Variants in ZNF385D observed in about 807,000 individuals in gnomAD.
ZNF385D encodes the protein zinc finger protein 659.
A neutral mutation model predicts 35.8 loss-of-function variants in ZNF385D; 15 were observed. That is an observed-to-expected ratio of 0.42 (90% confidence interval 0.28 to 0.64). ZNF385D has a LOEUF of 0.64. ZNF385D is among the 30% of genes least tolerant of loss of function. The pLI is 0.23. For missense variants in ZNF385D, 474 were observed against 494.6 expected, an observed-to-expected ratio of 0.96 and a Z score of 0.39; for synonymous variants, 212 against 186.8, an observed-to-expected ratio of 1.13 and a Z score of -1.10.
At chr3:21,819,033 A>G (rs2073279096) in intron 3 of ZNF385D, among the ~76,000 whole-genome samples, 1 of 152,148 alleles carries the variant, frequency 6.6e-6, no homozygotes, top group Admixed American at 6.5e-5. Flanking sequence ...CAATTGACAG[A>G]AAAGTGTTCT....
intron 2 of ZNF385D, among the ~76,000 whole-genome samples, chr3:21,630,729 T>A (rs2065256639): frequency 6.6e-6 from 1 of 152,148 alleles, no homozygotes. Context: ...AAATGTGGAA[T>A]GAAAAGTCCT....
intron 1 of ZNF385D, among the ~76,000 whole-genome samples, chr3:21,726,145 T>G (rs1262498982): frequency 1.3e-5 from 2 of 152,068 alleles, no homozygotes; most frequent in African/African-American, 4.8e-5. Context: ...TGCTAAAAAC[T>G]CTCAATAAAC....
chr3:21,780,517 A>G (rs998960881), intron 3 of ZNF385D, among the ~76,000 whole-genome samples: 1 of 152,060 alleles, frequency 6.6e-6, no homozygotes, highest in Non-Finnish European at 1.5e-5. Context: ...ACTGAAAAAT[A>G]TGAATACATT....
intron 3 of ZNF385D, among the ~76,000 whole-genome samples, chr3:21,765,745 AG>A (rs1424043788): frequency 2.7e-5 from 2 of 74,594 alleles, no homozygotes; most frequent in African/African-American, 7.3e-5. Flanking sequence ...AGAGAGAGAC[AG>A]AGAGAGAGAG....
intron 3 of ZNF385D, among the ~76,000 whole-genome samples, chr3:21,891,400 C>T (rs1265288210): frequency 6.6e-6 from 1 of 152,156 alleles, no homozygotes; most frequent in Non-Finnish European, 1.5e-5. Context: ...CAAATGTCTG[C>T]CCAGCCATCC....
At chr3:21,490,228 C>T (rs890996044) in intron 4 of ZNF385D, among the ~76,000 whole-genome samples, 1 of 152,158 alleles carries the variant, frequency 6.6e-6, no homozygotes, top group African/African-American at 2.4e-5. Flanking sequence ...TGCAGTGGTG[C>T]AATCATAGCT....
At chr3:21,701,964 G>T (rs1456749477) in intron 1 of ZNF385D, among the ~76,000 whole-genome samples, 1 of 152,158 alleles carries the variant, frequency 6.6e-6, no homozygotes, top group Non-Finnish European at 1.5e-5. Context: ...TCATGGGCTG[G>T]CATTGAGTGT....
At chr3:22,020,277 C>A (rs1697145641) in intron 3 of ZNF385D, among the ~76,000 whole-genome samples, 1 of 151,826 alleles carries the variant, frequency 6.6e-6, no homozygotes, top group African/African-American at 2.4e-5. Flanking sequence ...AGAAAGGACA[C>A]CCAGGCAGGA....
chr3:21,774,388 G>A (rs940348741), intron 3 of ZNF385D, among the ~76,000 whole-genome samples: 2 of 151,876 alleles, frequency 1.3e-5, no homozygotes, highest in Non-Finnish European at 2.9e-5. Flanking sequence ...ATTGACCTAT[G>A]TAACAAACAT....
In ZNF385D at chr3:21,466,925, A is replaced by T. The variant is rs150967520; in HGVS notation, c.440-29722T>A. On this transcript the variant is annotated intron_variant, in intron 4 of 7. Transcript: ENST00000281523. Reference sequence around the variant, plus strand: ...AAACAATGAGATAACCAGCCCAAGGACTTTGAGCTGGAGAGAAGAAAGTTC... The same window carrying T: ...AAACAATGAGATAACCAGCCCAAGGTCTTTGAGCTGGAGAGAAGAAAGTTC... Among the ~76,000 whole-genome samples the T allele has an allele frequency of 3.3e-3, 508 of 152,276 alleles. 5 individuals are homozygous for T. Among genetic ancestry groups the T allele is most frequent in the African/African-American group, 0.012 (487 of 41,560 alleles).
In ZNF385D at chr3:21,998,170, T is replaced by G. The variant is rs1695605165; in HGVS notation, c.325+170647A>C. On this transcript the variant is annotated intron_variant, in intron 3 of 5. Coordinates refer to the ZNF385D transcript ENST00000494108. ...ACTTCCTACTCCTTTCCCAGAAAGT[T>G]AGTGAATAACCTACCCCTTATTTAG... 2.0e-5 allele frequency among the ~76,000 whole-genome samples: 3 copies of G among 152,096 alleles called. No homozygotes were observed. In the South Asian group the frequency reaches 6.2e-4, roughly 31 times the overall value.
intron 3 of ZNF385D, among the ~76,000 whole-genome samples, chr3:22,132,502 A>C (rs1703860969): frequency 6.6e-6 from 1 of 152,200 alleles, no homozygotes; most frequent in Admixed American, 6.6e-5. Flanking sequence ...ACTAAGAATA[A>C]GATATAGGTA....
chr3:22,241,569 A>T (rs1418531304), intron 2 of ZNF385D, among the ~76,000 whole-genome samples: 2 of 151,076 alleles, frequency 1.3e-5, no homozygotes, highest in African/African-American at 4.9e-5. Context: ...CAGGCTTTGG[A>T]TTTATTATTT....
chr3:21,824,495 A>C (rs998303267), intron 3 of ZNF385D, among the ~76,000 whole-genome samples: 2 of 152,152 alleles, frequency 1.3e-5, no homozygotes, highest in African/African-American at 4.8e-5. Context: ...ATGTACATAC[A>C]TTTATGTACA....
intron 2 of ZNF385D, among the ~76,000 whole-genome samples, chr3:22,354,690 T>A (rs991089402): frequency 5.3e-5 from 8 of 152,228 alleles, no homozygotes; most frequent in Admixed American, 5.2e-4. Flanking sequence ...GTTTTTATCA[T>A]AACCTTAATT....
intron 3 of ZNF385D, among the ~76,000 whole-genome samples, chr3:21,808,782 C>G (rs998402330): frequency 2.6e-5 from 4 of 152,160 alleles, no homozygotes; most frequent in African/African-American, 4.8e-5. Flanking sequence ...GCAGCCAATA[C>G]ATGAATCCAA....
intron 2 of ZNF385D, among the ~76,000 whole-genome samples, chr3:21,643,477 T>G (rs894832100): frequency 6.6e-6 from 1 of 152,144 alleles, no homozygotes; most frequent in Non-Finnish European, 1.5e-5. Context: ...CAGAGTTTCC[T>G]TGTGTTCACC....
Position 21,465,249 on chromosome 3 carries a change from A to G in ZNF385D, c.440-28046T>C, listed in dbSNP as rs909511434. On this transcript the variant is annotated intron_variant, in intron 4 of 7. Coordinates refer to ENST00000281523, the MANE Select transcript of ZNF385D (RefSeq NM_024697.3). This position sits in a 1 kb window ranked among gnomAD's most constrained non-coding sequence, Gnocchi z 4.2. ...CTACACTTATCTCCAGAGTCTTCCC[A>G]ATTTCTTTTGCTAAAAGACTATTTG... 2.0e-5 allele frequency among the ~76,000 whole-genome samples: 3 copies of G among 152,162 alleles called. No homozygotes were observed. The highest frequency in any genetic ancestry group is 7.2e-5 in the African/African-American group (3 of 41,448).
intron 3 of ZNF385D, among the ~76,000 whole-genome samples, chr3:21,976,516 T>A (rs141077471): frequency 2.6e-5 from 4 of 152,006 alleles, no homozygotes; most frequent in African/African-American, 9.7e-5. Flanking sequence ...AAAGAAAATA[T>A]CTAGACTATA....
Sources: allele counts gnomAD v4.1 joint callset (sites outside exome capture counted in the v4.1 genomes callset), GRCh38; gene constraint gnomAD v4.1.1; non-coding constraint Gnocchi (gnomAD v3.1); transcripts MANE v1.5; gene names NCBI Gene and HGNC (gene_info 2026-07-23, HGNC 2026-07-21).